The following VIPR2 variants were observed in gnomAD, a reference collection of about 807,000 sequenced individuals.
The protein encoded by VIPR2 is vasoactive intestinal peptide receptor 2, also known as vasoactive intestinal polypeptide receptor 2.
A neutral mutation model predicts 58.0 loss-of-function variants in VIPR2; 48 were observed. The observed-to-expected ratio is 0.83, with a 90% CI of 0.66 to 1.05. The LOEUF (loss-of-function observed/expected upper bound fraction) is 1.05, where lower values mean the gene tolerates loss of function less well. VIPR2 is among the 50% of genes least tolerant of loss of function. The pLI is 0.00. For synonymous variants in VIPR2, 243 were observed against 235.2 expected, an observed-to-expected ratio of 1.03 and a Z score of -0.30; for missense variants, 534 against 558.0, an observed-to-expected ratio of 0.96 and a Z score of 0.43.
At chr7:159,130,353 T>C (rs913639484) in intron 2 of VIPR2, among the ~76,000 whole-genome samples, 1 of 152,200 alleles carries the variant, frequency 6.6e-6, no homozygotes. Flanking sequence ...ATATAAATGA[T>C]TGGCAGCCAT....
At chr7:159,136,838 A>C (rs1431339417) in intron 2 of VIPR2, among the ~76,000 whole-genome samples, 1 of 152,190 alleles carries the variant, frequency 6.6e-6, no homozygotes, top group Admixed American at 6.5e-5. Flanking sequence ...TGCTGTGGCC[A>C]TGTGGAGAAG....
chr7:159,086,230 G>C (rs898701703), intron 4 of VIPR2, among the ~76,000 whole-genome samples: 3 of 152,182 alleles, frequency 2.0e-5, no homozygotes, highest in Non-Finnish European at 2.9e-5. Context: ...TGCCTGGGGT[G>C]GTTCCATCTT....
At position 159,100,079 on chromosome 7, in the gene VIPR2, G is replaced by A. The variant is rs116240698; in HGVS notation, c.357+3678C>T. Among the ~76,000 whole-genome samples, 16 of 152,244 alleles carry A rather than the reference G, an allele frequency of 1.1e-4. 1 individual carries two copies. The highest frequency in any genetic ancestry group is 6.2e-4 in the South Asian group (3 of 4,816). ...ATGGGGGACAGCGCATCTTAGACGG[G>A]CCCACAGGTCAATGTGGTCCCCAGC... is the stretch of plus-strand genomic sequence containing the variant. On this transcript the variant is annotated intron_variant, in intron 4 of 12. Coordinates refer to ENST00000262178, the MANE Select transcript of VIPR2 (RefSeq NM_003382.5).
chr7:159,116,659 G>C (rs966076151), intron 2 of VIPR2, among the ~76,000 whole-genome samples: 2 of 152,244 alleles, frequency 1.3e-5, no homozygotes, highest in Non-Finnish European at 2.9e-5. Context: ...AGGCTTCACA[G>C]CATTTTCAAC....
chr7:159,041,950 G>A (rs1302096054), intron 6 of VIPR2, among the ~76,000 whole-genome samples: 1 of 152,052 alleles, frequency 6.6e-6, no homozygotes, highest in Non-Finnish European at 1.5e-5. Flanking sequence ...AACTCCAGGG[G>A]CCCAACTCCA....
rs1288887794 is a variant in VIPR2 at position 159,031,886 on chromosome 7, T to A, written c.1102-17A>T. On this transcript the variant is annotated splice_polypyrimidine_tract_variant and intron_variant, in intron 11 of 12. Transcript: ENST00000262178. This position sits in a 1 kb window ranked among gnomAD's most constrained non-coding sequence, Gnocchi z 4.0. ...CACCAGGCCCTGCAATGAGAAGAGA[T>A]GGTCAGGCAGGACCCGCGCTCGGGG... The A allele has an allele frequency of 3.1e-6, 5 of 1,613,964 alleles. No individual in the cohort carries two copies. The highest frequency in any genetic ancestry group is 4.5e-5 in the East Asian group (2 of 44,866).
At chr7:159,102,883 T>G (rs1858386288) in intron 4 of VIPR2, among the ~76,000 whole-genome samples, 1 of 152,222 alleles carries the variant, frequency 6.6e-6, no homozygotes, top group Non-Finnish European at 1.5e-5. Flanking sequence ...TGCCTTGCCC[T>G]GTGCAGGGAG....
chr7:159,131,963 TCAA>T (rs1392596134), intron 2 of VIPR2, among the ~76,000 whole-genome samples: 1 of 152,206 alleles, frequency 6.6e-6, no homozygotes, highest in African/African-American at 2.4e-5. Flanking sequence ...AATAATCGTA[TCAA>T]CGAGGGACTT....
chr7:159,135,031 A>ATTTTTTTTTTTTTTTTT (rs1491429443), intron 2 of VIPR2, among the ~76,000 whole-genome samples: 1 of 105,314 alleles, frequency 9.5e-6, no homozygotes, highest in Non-Finnish European at 1.8e-5. Flanking sequence ...TTTTTTTTTT[A>ATTTTTTTTTTTTTTTTT]ACATTTTAAG....
chr7:159,032,119 C>T, intron 10 of VIPR2, 52 bp from the exon 11 acceptor site: 1 of 1,606,872 alleles, frequency 6.2e-7, no homozygotes, highest in Non-Finnish European at 8.5e-7. Flanking sequence ...GGACCCTCTG[C>T]AAGCCTGGCT....
chr7:159,076,619 AT>A (rs894799278), intron 4 of VIPR2, among the ~76,000 whole-genome samples: 24 of 151,224 alleles, frequency 1.6e-4, no homozygotes, highest in Non-Finnish European at 2.5e-4. Flanking sequence ...TGACATGTGT[AT>A]TTTTTTTTAA....
chr7:159,125,194 G>A (rs1796609208), intron 2 of VIPR2, among the ~76,000 whole-genome samples: 1 of 152,150 alleles, frequency 6.6e-6, no homozygotes, highest in Non-Finnish European at 1.5e-5. Context: ...GGTGAGAGAG[G>A]GCATCTAAAA....
chr7:159,108,101 G>T (rs1334120152), intron 3 of VIPR2, among the ~76,000 whole-genome samples: 1 of 152,208 alleles, frequency 6.6e-6, no homozygotes, highest in Non-Finnish European at 1.5e-5. Context: ...CACATGTGTA[G>T]AGTGTTCTGT....
chr7:159,107,118 C>T (rs1336715104), intron 3 of VIPR2, among the ~76,000 whole-genome samples: 2 of 152,146 alleles, frequency 1.3e-5, no homozygotes, highest in Non-Finnish European at 2.9e-5. Flanking sequence ...TTCCAAGCCC[C>T]ATGAGCCTAC....
At chr7:159,059,306 G>A (rs1424022686) in intron 4 of VIPR2, 7 of 471,148 alleles carry the variant, frequency 1.5e-5, no homozygotes, top group East Asian at 6.9e-5. Context: ...ATCATCACTC[G>A]CCACTCCCAA....
intron 5 of VIPR2, among the ~76,000 whole-genome samples, chr7:159,044,193 C>T (rs1013470215): frequency 6.6e-6 from 1 of 152,046 alleles, no homozygotes; most frequent in African/African-American, 2.4e-5. Context: ...TCTTTGACTC[C>T]AGGTGTTTGT....
At chr7:159,139,793 A>C (rs1346650435) in intron 2 of VIPR2, among the ~76,000 whole-genome samples, 1 of 152,216 alleles carries the variant, frequency 6.6e-6, no homozygotes, top group East Asian at 1.9e-4. Flanking sequence ...ATAAAGTCAC[A>C]CGAAAGTTCC....
chr7:159,131,181 C>T (rs1395522934), intron 2 of VIPR2, among the ~76,000 whole-genome samples: 3 of 152,228 alleles, frequency 2.0e-5, no homozygotes, highest in East Asian at 1.9e-4. Flanking sequence ...TTCAAAGAAT[C>T]GACAGACCAG....
At position 159,046,644 on chromosome 7, in the gene VIPR2, G is replaced by A. The variant is rs138586914; in HGVS notation, c.456-3468C>T. 1.2e-4 allele frequency among the ~76,000 whole-genome samples: 18 copies of A among 152,234 alleles called. No homozygotes were observed. The East Asian group carries it at 3.5e-3, about 29-fold the overall frequency. On this transcript the variant is annotated intron_variant, in intron 5 of 12. Transcript: ENST00000262178. ...CACTGTGAAGGTGCTTAGTGCCAAGGAATTGTGTACCTTAAGATGGCTCAA... is the reference window on the plus strand; with the variant it reads ...CACTGTGAAGGTGCTTAGTGCCAAGAAATTGTGTACCTTAAGATGGCTCAA...
Sources: allele counts gnomAD v4.1 joint callset (sites outside exome capture counted in the v4.1 genomes callset), GRCh38; gene constraint gnomAD v4.1.1; non-coding constraint Gnocchi (gnomAD v3.1); transcripts MANE v1.5; gene names NCBI Gene and HGNC (gene_info 2026-07-23, HGNC 2026-07-21).